The following WDR17 variants were observed in gnomAD, a reference collection of about 807,000 sequenced individuals.
The protein encoded by WDR17 is WD repeat-containing protein 17.
In WDR17, 143 loss-of-function variants were observed where a neutral mutation model predicts 161.7. The ratio of observed to expected loss-of-function variants is 0.88; its 90% CI spans 0.77 to 1.02. The LOEUF (loss-of-function observed/expected upper bound fraction) is 1.02. Among genes scored for constraint, WDR17 ranks in the 50% least tolerant of loss-of-function variants. The pLI, the probability that WDR17 is intolerant of heterozygous loss-of-function variation, is 0.00. For missense variants in WDR17, 1,469 were observed against 1,520.9 expected (o/e 0.97, Z 0.57); for synonymous variants, 517 against 515.6 (o/e 1.00, Z -0.04).
At chr4:176,159,960 TA>T (rs1748776348) in intron 18 of WDR17, 33 bp from the exon 19 acceptor site, 3 of 1,533,286 alleles carry the variant, frequency 2.0e-6, no homozygotes, top group Non-Finnish European at 2.6e-6. Flanking sequence ...TTCAAAATAA[TA>T]TATTGTTTAA....
chr4:176,076,029 A>G (rs1733926099), intron 1 of WDR17, among the ~76,000 whole-genome samples: 1 of 151,888 alleles, frequency 6.6e-6, no homozygotes, highest in Admixed American at 6.6e-5. Context: ...TAAAGTTATT[A>G]TATCACTGAA....
chr4:176,130,955 T>A (rs1466183328), intron 6 of WDR17, among the ~76,000 whole-genome samples: 5 of 151,966 alleles, frequency 3.3e-5, no homozygotes, highest in African/African-American at 9.7e-5. Flanking sequence ...ATTTATGTAA[T>A]TGAAAGTAGG....
intron 2 of WDR17, among the ~76,000 whole-genome samples, chr4:176,113,955 A>G (rs368264569): frequency 6.6e-6 from 1 of 152,164 alleles, no homozygotes; most frequent in South Asian, 2.1e-4. Context: ...TGTAAACATC[A>G]TAGGAATGCA....
rs1367565230 is a variant in WDR17 at position 176,073,350 on chromosome 4, C to T, written c.-7+7271C>T. Among the ~76,000 whole-genome samples, 8 of 152,008 alleles carry T rather than the reference C, an allele frequency of 5.3e-5. No homozygotes were observed. In the South Asian group the frequency reaches 8.4e-4, roughly 16 times the overall value. ...ATTCCCACCTATGAGTGAGAACATG[C>T]GGTGTTTGGTTTTTTGTCCTTGCGA... is the stretch of plus-strand genomic sequence containing the variant. On this transcript the variant is annotated intron_variant, in intron 1 of 28. Coordinates refer to ENST00000508596, the MANE Select transcript of WDR17 (RefSeq NM_181265.4).
At chr4:176,093,235 C>G (rs1332364454) in intron 1 of WDR17, among the ~76,000 whole-genome samples, 1 of 152,056 alleles carries the variant, frequency 6.6e-6, no homozygotes, top group Non-Finnish European at 1.5e-5. Flanking sequence ...TTGAAAGAAT[C>G]AGTATTGTTA....
At chr4:176,128,942 A>T in intron 6 of WDR17, 82 bp downstream of exon 6, 1 of 1,284,500 alleles carries the variant, frequency 7.8e-7, no homozygotes, top group Non-Finnish European at 1.0e-6. Flanking sequence ...TGAGATATCA[A>T]ATACTATATG....
intron 7 of WDR17, among the ~76,000 whole-genome samples, chr4:176,132,460 G>T (rs1743621977): frequency 6.6e-6 from 1 of 151,816 alleles, no homozygotes; most frequent in African/African-American, 2.4e-5. Context: ...GACTAATCTG[G>T]ACATTTAAGA....
At chr4:176,117,464 C>T (rs947317301) in intron 3 of WDR17, among the ~76,000 whole-genome samples, 1 of 151,960 alleles carries the variant, frequency 6.6e-6, no homozygotes, top group African/African-American at 2.4e-5. Flanking sequence ...AGATGTAACA[C>T]AAAGTCAACG....
intron 1 of WDR17, among the ~76,000 whole-genome samples, chr4:176,090,210 A>G (rs890631907): frequency 2.0e-5 from 3 of 151,164 alleles, no homozygotes; most frequent in Admixed American, 2.0e-4. Context: ...CCTTGCAGTA[A>G]TGAGCAAATT....
At chr4:176,070,558 T>C (rs1016341294) in intron 1 of WDR17, among the ~76,000 whole-genome samples, 1 of 152,120 alleles carries the variant, frequency 6.6e-6, no homozygotes, top group Non-Finnish European at 1.5e-5. Context: ...CAGGGTCTCC[T>C]GCTGGAGTGC....
intron 13 of WDR17, 73 bp downstream of exon 13, chr4:176,148,408 A>G: frequency 7.3e-7 from 1 of 1,361,860 alleles, no homozygotes; most frequent in African/African-American, 1.4e-5. Context: ...TCTGAGGAAT[A>G]CAGTATTTTT....
chr4:176,175,297 G>A (rs916406691), intron 26 of WDR17, among the ~76,000 whole-genome samples: 1 of 152,212 alleles, frequency 6.6e-6, no homozygotes, highest in East Asian at 1.9e-4. Context: ...AGTAAAGGGA[G>A]TTTGTAAGTA....
chr4:176,083,111 A>G (rs13148955), intron 1 of WDR17, among the ~76,000 whole-genome samples: 31,979 of 152,018 alleles, frequency 0.21, 3,606 homozygotes, highest in South Asian at 0.27. Context: ...ATAATATTTT[A>G]TTCATGAGGC....
Position 176,142,010 on chromosome 4 carries a change from G to T in WDR17, c.1470G>T (p.Val490=). Residue 490 remains valine (V), a synonymous_variant, in exon 11 of 29, where the codon GTG becomes GTT. Transcript: ENST00000508596. The part of the protein sequence containing the change: ...FCIIRTIDGK[V]LHKYKHPAAV... ...TTATTCGAACAATTGATGGTAAAGT[G>T]CTACACAAATATAAACATCCAGCTG... 1 of 1,607,840 alleles carries T rather than the reference G, an allele frequency of 6.2e-7. No individual in the cohort carries two copies. The highest frequency in any genetic ancestry group is 8.5e-7 in the Non-Finnish European group (1 of 1,176,388).
At chr4:176,140,033 A>T in intron 10 of WDR17, 59 bp downstream of exon 10, 1 of 1,397,568 alleles carries the variant, frequency 7.2e-7, no homozygotes. Flanking sequence ...CACTCATTTG[A>T]TCATTCCAAC....
Position 176,125,316 on chromosome 4 carries a change from G to T in WDR17, c.751G>T (p.Ala251Ser). 4 of 1,614,116 alleles carry T rather than the reference G, an allele frequency of 2.5e-6. No homozygotes were observed. The highest frequency in any genetic ancestry group is 3.4e-6 in the Non-Finnish European group (4 of 1,180,004). ...TGCAGCAGCTTCTGTACAGTGCTTAGCCTGGGTTCCCAGTGCTCCTGGGAT... is the reference window on the plus strand; with the variant it reads ...TGCAGCAGCTTCTGTACAGTGCTTATCCTGGGTTCCCAGTGCTCCTGGGAT... ...PSAAASVQCL[A>S]WVPSAPGMFI... The change falls in exon 5 of 29, where the codon GCC becomes TCC. Residue 251 changes from alanine (A) to serine (S), a missense_variant. By Grantham distance (99) the Ala-to-Ser change is moderately conservative (BLOSUM62 1). Coordinates refer to ENST00000508596, the MANE Select transcript of WDR17 (RefSeq NM_181265.4).
intron 1 of WDR17, among the ~76,000 whole-genome samples, chr4:176,088,996 G>T (rs1184763297): frequency 2.0e-5 from 3 of 152,116 alleles, no homozygotes; most frequent in African/African-American, 7.2e-5. Flanking sequence ...AAATGAAATT[G>T]CCCAAGTGAA....
intron 11 of WDR17, among the ~76,000 whole-genome samples, chr4:176,143,462 A>G (rs1406042512): frequency 6.6e-6 from 1 of 151,738 alleles, no homozygotes; most frequent in Non-Finnish European, 1.5e-5. Flanking sequence ...TCAGGAGTTC[A>G]ATACCAGCCT....
chr4:176,094,880 G>A (rs1736619256), intron 1 of WDR17, among the ~76,000 whole-genome samples: 1 of 152,068 alleles, frequency 6.6e-6, no homozygotes, highest in Admixed American at 6.6e-5. Flanking sequence ...GAATATTTGG[G>A]GTGGTAGAAA....
Sources: gnomAD v4.1 joint callset for allele counts (sites outside exome capture counted in the v4.1 genomes callset) on GRCh38, gnomAD v4.1.1 for gene constraint, MANE v1.5 for transcripts, NCBI Gene and HGNC (gene_info 2026-07-23, HGNC 2026-07-21) for gene names.